Variants in HEMK2 observed in about 807,000 individuals in gnomAD.
HEMK2 encodes HemK methyltransferase 2, ETF1 glutamine and histone H4 lysine, also known as methyltransferase HEMK2.
the HEMK2 span, among the ~76,000 whole-genome samples, chr21:28,730,965 C>A: frequency 1.3e-5 from 2 of 151,924 alleles, no homozygotes; most frequent in African/African-American, 2.4e-5. Context: ...CCTCCCTCTA[C>A]CCCATCCCAG....
chr21:28,579,913 C>CA, the HEMK2 span, among the ~76,000 whole-genome samples: 1 of 152,170 alleles, frequency 6.6e-6, no homozygotes, highest in South Asian at 2.1e-4. Context: ...ATCGTGTAAG[C>CA]AGCTTACATC....
the HEMK2 span, among the ~76,000 whole-genome samples, chr21:28,741,504 A>C: frequency 2.0e-4 from 31 of 152,198 alleles, 2 homozygotes; most frequent in Admixed American, 1.8e-3. Flanking sequence ...CCAGGTTATT[A>C]AGCCTAGTAC....
chr21:28,884,595 G>C, the HEMK2 span, among the ~76,000 whole-genome samples: 1 of 152,154 alleles, frequency 6.6e-6, no homozygotes, highest in Non-Finnish European at 1.5e-5. Flanking sequence ...GTAGACTATT[G>C]TCTGCTAGCT....
the HEMK2 span, among the ~76,000 whole-genome samples, chr21:28,783,884 G>A: frequency 1.3e-5 from 2 of 152,226 alleles, no homozygotes; most frequent in African/African-American, 2.4e-5. Flanking sequence ...CGGGCAGTGA[G>A]GGGCTTAGCA....
the HEMK2 span, among the ~76,000 whole-genome samples, chr21:28,790,385 G>A: frequency 0.082 from 12,419 of 152,158 alleles, 1,154 homozygotes; most frequent in African/African-American, 0.22. Flanking sequence ...ATTTAAATCC[G>A]TGAAACCTGC....
chr21:28,676,366 A>G, the HEMK2 span, among the ~76,000 whole-genome samples: 7 of 151,544 alleles, frequency 4.6e-5, no homozygotes, highest in Non-Finnish European at 1.0e-4. Flanking sequence ...AGGGCCCACA[A>G]TAGGACCTCA....
At chr21:28,822,572 C>CATAT in the HEMK2 span, among the ~76,000 whole-genome samples, 447 of 147,702 alleles carry the variant, frequency 3.0e-3, 4 homozygotes, top group African/African-American at 4.8e-3. Flanking sequence ...GGCTACAATG[C>CATAT]ATATATATAT....
the HEMK2 span, among the ~76,000 whole-genome samples, chr21:28,617,110 G>C: frequency 1.3e-5 from 2 of 152,198 alleles, no homozygotes; most frequent in East Asian, 3.8e-4. Context: ...CAAGGCAATA[G>C]GTCAGAGAGC....
At chr21:28,622,159 A>G in the HEMK2 span, among the ~76,000 whole-genome samples, 6 of 152,186 alleles carry the variant, frequency 3.9e-5, no homozygotes, top group Admixed American at 2.6e-4. Flanking sequence ...ATGTGCAAAA[A>G]TTACAAGCAT....
At chr21:28,879,375 G>C in the HEMK2 span, among the ~76,000 whole-genome samples, 1 of 152,064 alleles carries the variant, frequency 6.6e-6, no homozygotes, top group Non-Finnish European at 1.5e-5. Flanking sequence ...CCAAATAGCT[G>C]GGATTACAGG....
At chr21:28,782,466 T>C in the HEMK2 span, among the ~76,000 whole-genome samples, 22 of 152,188 alleles carry the variant, frequency 1.4e-4, no homozygotes, top group African/African-American at 5.3e-4. Flanking sequence ...TTCAGAAACG[T>C]TAACTATAAA....
At chr21:28,830,638 G>A in the HEMK2 span, among the ~76,000 whole-genome samples, 1 of 152,212 alleles carries the variant, frequency 6.6e-6, no homozygotes, top group Non-Finnish European at 1.5e-5. Context: ...AGCACTTTGG[G>A]AGACCAAGGT....
At chr21:28,634,343 G>C in the HEMK2 span, among the ~76,000 whole-genome samples, 7 of 152,166 alleles carry the variant, frequency 4.6e-5, no homozygotes, top group African/African-American at 7.2e-5. Context: ...AGAGGCTGTG[G>C]TCCACAGCCC....
the HEMK2 span, among the ~76,000 whole-genome samples, chr21:28,847,741 T>C: frequency 6.6e-6 from 1 of 152,350 alleles, no homozygotes; most frequent in East Asian, 1.9e-4. Context: ...TCTAGGATTT[T>C]TATAGTTTTA....
At chr21:28,631,420 C>A in the HEMK2 span, among the ~76,000 whole-genome samples, 1 of 152,148 alleles carries the variant, frequency 6.6e-6, no homozygotes, top group East Asian at 1.9e-4. Flanking sequence ...CCAATCCTAG[C>A]TGAATGGCAG....
the HEMK2 span, chr21:28,872,902 T>C: frequency 6.6e-6 from 1 of 152,206 alleles, no homozygotes; most frequent in Non-Finnish European, 1.5e-5. Flanking sequence ...AGTCCCCCAG[T>C]TCAAATGCAA....
chr21:28,695,054 G>C, the HEMK2 span, among the ~76,000 whole-genome samples: 1 of 151,360 alleles, frequency 6.6e-6, no homozygotes, highest in African/African-American at 2.4e-5. Flanking sequence ...TCTCCTCCTA[G>C]CTAGGCTGAG....
the HEMK2 span, among the ~76,000 whole-genome samples, chr21:28,659,948 A>C: frequency 2.0e-5 from 3 of 152,074 alleles, no homozygotes; most frequent in Non-Finnish European, 4.4e-5. Context: ...TACTGAAGAG[A>C]TTATAGCTTT....
At chr21:28,698,200 C>G in the HEMK2 span, among the ~76,000 whole-genome samples, 1 of 152,274 alleles carries the variant, frequency 6.6e-6, no homozygotes, top group South Asian at 2.1e-4. Flanking sequence ...CATCATACAA[C>G]TTTTAGCTGG....
Sources: allele counts gnomAD v4.1 joint callset (sites outside exome capture counted in the v4.1 genomes callset), GRCh38; gene constraint gnomAD v4.1.1; transcripts MANE v1.5; gene names NCBI Gene and HGNC (gene_info 2026-07-23, HGNC 2026-07-21).